The following PPP2R5E variants were observed in gnomAD, a reference collection of about 807,000 sequenced individuals.
PPP2R5E encodes the protein serine/threonine-protein phosphatase 2A 56 kDa regulatory subunit epsilon isoform.
In PPP2R5E, 4 loss-of-function variants were observed where a neutral mutation model predicts 65.3. That is an observed-to-expected ratio of 0.06 (90% confidence interval 0.03 to 0.14). The LOEUF is 0.14. Ranked by LOEUF, PPP2R5E falls within the 10% of genes least tolerant of loss-of-function variation. The pLI is 1.00. For synonymous variants in PPP2R5E, 183 were observed against 187.4 expected, an observed-to-expected ratio of 0.98 and a Z score of 0.19; for missense variants, 274 against 556.1, an observed-to-expected ratio of 0.49 and a Z score of 5.10.
intron 11 of PPP2R5E, among the ~76,000 whole-genome samples, chr14:63,386,605 G>A (rs17765706): frequency 0.019 from 2,886 of 152,162 alleles, 52 homozygotes; most frequent in Admixed American, 0.056. Flanking sequence ...AGATGACTTG[G>A]GAAACAGAAG....
At chr14:63,525,257 C>A (rs1014681951) in intron 2 of PPP2R5E, among the ~76,000 whole-genome samples, 1 of 152,180 alleles carries the variant, frequency 6.6e-6, no homozygotes, top group Non-Finnish European at 1.5e-5. Flanking sequence ...AGGTCCACAG[C>A]CATTCCAGAA....
chr14:63,377,154 A>T (rs566583668), intron 13 of PPP2R5E, among the ~76,000 whole-genome samples: 5 of 150,594 alleles, frequency 3.3e-5, no homozygotes, highest in Admixed American at 2.0e-4. Context: ...GTCTCCAAAA[A>T]AAAATAAAAA....
chr14:63,450,837 G>T (rs1888784854), intron 3 of PPP2R5E, among the ~76,000 whole-genome samples: 1 of 151,482 alleles, frequency 6.6e-6, no homozygotes, highest in Non-Finnish European at 1.5e-5. Flanking sequence ...AGAAGCAGAG[G>T]AACTGAAGGA....
chr14:63,528,335 A>G (rs1893265197), intron 2 of PPP2R5E, among the ~76,000 whole-genome samples: 1 of 152,226 alleles, frequency 6.6e-6, no homozygotes, highest in African/African-American at 2.4e-5. Flanking sequence ...CTCTTAAACT[A>G]TATAAAGTCT....
intron 2 of PPP2R5E, among the ~76,000 whole-genome samples, chr14:63,465,378 C>T (rs1480771112): frequency 6.8e-6 from 1 of 146,174 alleles, no homozygotes; most frequent in Non-Finnish European, 1.5e-5. Context: ...CTTTGGAAGG[C>T]TGAGGCAGGA....
chr14:63,529,495 G>C (rs534139861), intron 2 of PPP2R5E, among the ~76,000 whole-genome samples: 1 of 151,994 alleles, frequency 6.6e-6, no homozygotes, highest in African/African-American at 2.4e-5. Flanking sequence ...CGAGTAGCTG[G>C]GACTACAGGC....
intron 2 of PPP2R5E, among the ~76,000 whole-genome samples, chr14:63,476,664 C>T (rs1456281125): frequency 6.6e-6 from 1 of 151,946 alleles, no homozygotes; most frequent in Non-Finnish European, 1.5e-5. Flanking sequence ...CATTCAATGC[C>T]CTACTATATG....
intron 2 of PPP2R5E, among the ~76,000 whole-genome samples, chr14:63,493,653 GCA>G (rs201188248): frequency 7.9e-6 from 1 of 127,074 alleles, no homozygotes; most frequent in African/African-American, 4.6e-5. Context: ...TGTTAGTTTT[GCA>G]CATGTGGCAA....
chr14:63,458,255 T>C (rs1889247336), intron 2 of PPP2R5E, among the ~76,000 whole-genome samples: 1 of 152,190 alleles, frequency 6.6e-6, no homozygotes, highest in Admixed American at 6.5e-5. Flanking sequence ...ACCCTAATCA[T>C]GATTTAAAGG....
intron 2 of PPP2R5E, among the ~76,000 whole-genome samples, chr14:63,529,513 A>G (rs1343675538): frequency 3.3e-5 from 5 of 151,766 alleles, no homozygotes; most frequent in South Asian, 2.1e-4. Context: ...GGCACCTGCT[A>G]CCACGCCCGG....
chr14:63,444,890 A>T (rs80163999), intron 3 of PPP2R5E, among the ~76,000 whole-genome samples: 2,516 of 152,326 alleles, frequency 0.017, 60 homozygotes, highest in African/African-American at 0.057. Context: ...TGACTCCAGG[A>T]GACCCCAAGA....
chr14:63,525,889 G>A (rs1257209831), intron 2 of PPP2R5E, among the ~76,000 whole-genome samples: 2 of 152,080 alleles, frequency 1.3e-5, no homozygotes, highest in Non-Finnish European at 2.9e-5. Context: ...ATGGAGTTTT[G>A]CTCTGTACCC....
chr14:63,389,783 CAT>C (rs1159172752), intron 10 of PPP2R5E, 52 bp from the exon 11 acceptor site: 14 of 1,492,744 alleles, frequency 9.4e-6, no homozygotes, highest in Non-Finnish European at 1.2e-5. Flanking sequence ...AAAAAAAATC[CAT>C]AAGAACAAGG....
chr14:63,417,509 T>C (rs1594850761), intron 4 of PPP2R5E, among the ~76,000 whole-genome samples: 1 of 146,366 alleles, frequency 6.8e-6, no homozygotes, highest in African/African-American at 2.5e-5. Context: ...AAAAAAAGGC[T>C]AGTTTGGGTT....
intron 5 of PPP2R5E, among the ~76,000 whole-genome samples, chr14:63,403,367 G>A (rs186011306): frequency 1.7e-3 from 226 of 129,886 alleles, no homozygotes; most frequent in African/African-American, 6.3e-3. Flanking sequence ...CAGCCTGGGC[G>A]ACAAAGCGAG....
At chr14:63,484,353 A>ACG (rs1890875820) in intron 2 of PPP2R5E, among the ~76,000 whole-genome samples, 1 of 136,284 alleles carries the variant, frequency 7.3e-6, no homozygotes, top group Non-Finnish European at 1.6e-5. Flanking sequence ...TCTCTCACAC[A>ACG]CACACACACA....
At position 63,507,630 on chromosome 14, in the gene PPP2R5E, A is replaced by G. The variant is rs187395584; in HGVS notation, c.157+31899T>C. 1.5e-3 allele frequency among the ~76,000 whole-genome samples: 184 copies of G among 119,092 alleles called. 2 individuals carry two copies. In the South Asian group the frequency reaches 0.023, roughly 15 times the overall value. The allele number at this position is 119,092 out of a possible 152,430, so 78.1% of individuals were successfully genotyped here. A position where few individuals can be genotyped will look rare whatever the true frequency, so the allele number is the denominator to read the frequency against. ...AGTCTTGTTCTGTCGCCCAGGCTGG[A>G]GTGCAGTGGTGTGATCTCAGCTCAC... On this transcript the variant is annotated intron_variant, in intron 2 of 13. Coordinates refer to ENST00000337537, the MANE Select transcript of PPP2R5E (RefSeq NM_006246.5).
In PPP2R5E at chr14:63,371,601, T is replaced by C. The variant is rs1883693132; in HGVS notation, c.*4408A>G. ...GCATGTTTTAGCCAGAGGTGGAAGATTGTTTTGTGGCATTTTAAGTTTGAT... is the reference window on the plus strand; with the variant it reads ...GCATGTTTTAGCCAGAGGTGGAAGACTGTTTTGTGGCATTTTAAGTTTGAT... On this transcript the variant is annotated 3_prime_UTR_variant, in exon 14 of 14. Coordinates refer to ENST00000337537, the MANE Select transcript of PPP2R5E (RefSeq NM_006246.5). 1 of 152,226 alleles carries C rather than the reference T, an allele frequency of 6.6e-6. No homozygotes were observed. The highest frequency in any genetic ancestry group is 1.5e-5 in the Non-Finnish European group (1 of 68,044). 9.4% of individuals were successfully genotyped at this position (152,226 alleles called of 1,614,324 possible).
chr14:63,413,563 G>A (rs1886521523), intron 5 of PPP2R5E, among the ~76,000 whole-genome samples: 1 of 151,904 alleles, frequency 6.6e-6, no homozygotes, highest in South Asian at 2.1e-4. Flanking sequence ...GGTGAGGGAG[G>A]GCATAAAAAT....
Sources: gnomAD v4.1 joint callset for allele counts (sites outside exome capture counted in the v4.1 genomes callset) on GRCh38, gnomAD v4.1.1 for gene constraint, MANE v1.5 for transcripts, NCBI Gene and HGNC (gene_info 2026-07-23, HGNC 2026-07-21) for gene names.